Variants in ANLN observed in about 807,000 individuals in gnomAD.
ANLN encodes anillin, actin binding protein.
ANLN carries 59 observed loss-of-function variants against 135.1 expected under a neutral mutation model. That is an observed-to-expected ratio of 0.44 (90% confidence interval 0.35 to 0.54). The LOEUF is 0.54. ANLN is among the 20% of genes least tolerant of loss of function. The pLI, the probability that ANLN is intolerant of heterozygous loss-of-function variation, is 0.00. For missense variants in ANLN, 1,182 were observed against 1,340.0 expected, an observed-to-expected ratio of 0.88 and a Z score of 1.84; for synonymous variants, 406 against 456.4, an observed-to-expected ratio of 0.89 and a Z score of 1.41.
chr7:36,452,179 T>C (rs898584692), intron 23 of ANLN, among the ~76,000 whole-genome samples: 1 of 152,196 alleles, frequency 6.6e-6, no homozygotes, highest in Admixed American at 6.5e-5. Flanking sequence ...GTGGGTGTCC[T>C]ATACCATCAG....
intron 20 of ANLN, among the ~76,000 whole-genome samples, chr7:36,428,086 GT>G (rs1408834104): frequency 1.3e-5 from 2 of 152,138 alleles, no homozygotes; most frequent in Non-Finnish European, 2.9e-5. Flanking sequence ...AGAAATATTA[GT>G]TTAGCCTGAA....
chr7:36,416,638 A>G (rs1424949303), intron 8 of ANLN, among the ~76,000 whole-genome samples: 1 of 152,212 alleles, frequency 6.6e-6, no homozygotes, highest in Non-Finnish European at 1.5e-5. Flanking sequence ...AACAAATTGC[A>G]GAGTAGTGGT....
At chr7:36,394,439 G>A (rs1786609889) in intron 1 of ANLN, among the ~76,000 whole-genome samples, 2 of 152,068 alleles carry the variant, frequency 1.3e-5, no homozygotes, top group African/African-American at 4.8e-5. Context: ...ATTGTATCAT[G>A]GGGGGAAATT....
chr7:36,414,838 A>G (rs752657195), intron 7 of ANLN, among the ~76,000 whole-genome samples: 15 of 152,236 alleles, frequency 9.9e-5, no homozygotes, highest in Non-Finnish European at 1.6e-4. Flanking sequence ...CTGGGTTTGT[A>G]TACTGGCTCT....
At position 36,415,933 on chromosome 7, in the gene ANLN, T is replaced by A. The variant is rs773563723; in HGVS notation, c.1522+49T>A. 3.5e-6 allele frequency: 5 copies of A among 1,416,642 alleles called. No homozygotes were observed. In the Admixed American group the frequency reaches 1.2e-4, roughly 35 times the overall value. The allele number at this position is 1,416,642 out of a possible 1,614,324, so 87.8% of individuals were successfully genotyped here. On this transcript the variant is annotated intron_variant, in intron 8 of 23. Transcript: ENST00000265748. ...GGTTAGTATGTAGAAACTCAAATGA[T>A]GTTTGTGTGTTGATTTTGTATTCTG...
intron 7 of ANLN, 36 bp from the exon 8 acceptor site, chr7:36,415,722 G>T: frequency 6.5e-7 from 1 of 1,544,644 alleles, no homozygotes; most frequent in South Asian, 1.3e-5. Flanking sequence ...ATATAGTTTT[G>T]AGAAATAAAA....
At chr7:36,436,923 A>G (rs1000221974) in intron 20 of ANLN, among the ~76,000 whole-genome samples, 2 of 152,330 alleles carry the variant, frequency 1.3e-5, no homozygotes, top group South Asian at 2.1e-4. Flanking sequence ...AAACCATTCC[A>G]TAGACTGTCT....
intron 20 of ANLN, among the ~76,000 whole-genome samples, chr7:36,431,622 ATATATATATATT>A (rs2116726235): frequency 9.2e-6 from 1 of 108,532 alleles, no homozygotes; most frequent in African/African-American, 3.5e-5. Context: ...TATATAATAT[ATATATATATATT>A]ACCATTTTAT....
chr7:36,401,344 T>C (rs1476872721), intron 3 of ANLN, among the ~76,000 whole-genome samples: 2 of 152,092 alleles, frequency 1.3e-5, no homozygotes, highest in African/African-American at 2.4e-5. Context: ...GATTTTTTTG[T>C]TTTTGTTTTT....
intron 7 of ANLN, 144 bp downstream of exon 7, chr7:36,411,310 G>A: frequency 1.6e-6 from 1 of 608,632 alleles, no homozygotes; most frequent in South Asian, 2.6e-5. Flanking sequence ...TCCCTTAAAT[G>A]TGTGTACCAA....
At chr7:36,445,043 T>C (rs1256421610) in intron 22 of ANLN, among the ~76,000 whole-genome samples, 2 of 151,996 alleles carry the variant, frequency 1.3e-5, no homozygotes, top group African/African-American at 4.8e-5. Flanking sequence ...CCCGCAGAGA[T>C]AACTTCTACC....
At chr7:36,398,556 AT>A (rs1786802522) in intron 2 of ANLN, among the ~76,000 whole-genome samples, 1 of 152,182 alleles carries the variant, frequency 6.6e-6, no homozygotes, top group African/African-American at 2.4e-5. Flanking sequence ...TTTATTTACT[AT>A]TGTCTTAACA....
At chr7:36,435,645 G>T (rs7791515) in intron 20 of ANLN, among the ~76,000 whole-genome samples, 55 of 151,632 alleles carry the variant, frequency 3.6e-4, no homozygotes, top group Admixed American at 2.0e-4. Flanking sequence ...AGGCCGAGGC[G>T]GGCGGATCAC....
At chr7:36,426,368 C>T (rs1036220503) in intron 19 of ANLN, among the ~76,000 whole-genome samples, 4 of 152,182 alleles carry the variant, frequency 2.6e-5, no homozygotes, top group Non-Finnish European at 5.9e-5. Flanking sequence ...TTTAGCTTTA[C>T]TGATCATAAC....
chr7:36,397,240 G>GT (rs1786745834), intron 2 of ANLN, among the ~76,000 whole-genome samples: 1 of 152,074 alleles, frequency 6.6e-6, no homozygotes, highest in Non-Finnish European at 1.5e-5. Flanking sequence ...GTTTTCATAC[G>GT]TTTATCCATT....
At chr7:36,390,920 A>G (rs991339213) in intron 1 of ANLN, among the ~76,000 whole-genome samples, 2 of 152,178 alleles carry the variant, frequency 1.3e-5, no homozygotes, top group East Asian at 3.8e-4. Flanking sequence ...CTGTTGTGCA[A>G]ATTTCAAACT....
Position 36,415,934 on chromosome 7 carries a change from G to A in ANLN, c.1522+50G>A, listed in dbSNP as rs1787622457. On this transcript the variant is annotated intron_variant, in intron 8 of 23. Coordinates refer to ENST00000265748, the MANE Select transcript of ANLN (RefSeq NM_018685.5). Reference sequence around the variant, plus strand: ...GTTAGTATGTAGAAACTCAAATGATGTTTGTGTGTTGATTTTGTATTCTGT... The same window carrying A: ...GTTAGTATGTAGAAACTCAAATGATATTTGTGTGTTGATTTTGTATTCTGT... 2.8e-6 allele frequency: 4 copies of A among 1,414,672 alleles called. No individual in the cohort carries two copies. The African/African-American group carries it at 4.3e-5, about 15-fold the overall frequency. 87.6% of individuals were successfully genotyped at this position (1,414,672 alleles called of 1,614,324 possible).
At chr7:36,402,112 A>T (rs1314178311) in intron 3 of ANLN, among the ~76,000 whole-genome samples, 4 of 89,726 alleles carry the variant, frequency 4.5e-5, no homozygotes, top group Middle Eastern at 5.9e-3. Flanking sequence ...CAATAAAGCT[A>T]TTTTTTTTTT....
chr7:36,404,979 A>C (rs1401235400), intron 3 of ANLN, among the ~76,000 whole-genome samples: 3 of 152,224 alleles, frequency 2.0e-5, no homozygotes, highest in Non-Finnish European at 2.9e-5. Context: ...TTGACTGCTG[A>C]TAAGGAAACT....
Sources: allele counts gnomAD v4.1 joint callset (sites outside exome capture counted in the v4.1 genomes callset), GRCh38; gene constraint gnomAD v4.1.1; transcripts MANE v1.5; gene names NCBI Gene and HGNC (gene_info 2026-07-23, HGNC 2026-07-21).